The following TRPM1 variants were observed in gnomAD, a reference collection of about 807,000 sequenced individuals.
The protein encoded by TRPM1 is TRPM1-203 APA Isoform, Intron 10.
Under a neutral mutation model 149.4 loss-of-function variants are expected in TRPM1, and 113 were observed. The ratio of observed to expected loss-of-function variants is 0.76; its 90% CI spans 0.65 to 0.88. The LOEUF is 0.88. TRPM1 is among the 40% of genes least tolerant of loss of function. TRPM1 has a pLI of 0.00. For synonymous variants in TRPM1, 741 were observed against 759.5 expected, an observed-to-expected ratio of 0.98 and a Z score of 0.40; for missense variants, 1,976 against 2,038.7, an observed-to-expected ratio of 0.97 and a Z score of 0.59.
intron 1 of TRPM1, among the ~76,000 whole-genome samples, chr15:31,090,688 CCAA>C (rs201272750): frequency 0.01 from 1,594 of 151,946 alleles, 15 homozygotes; most frequent in South Asian, 0.021. Flanking sequence ...AAAAATCTTC[CCAA>C]CAAGTCTGAA....
intron 11 of TRPM1, among the ~76,000 whole-genome samples, chr15:31,056,496 T>C (rs572413981): frequency 1.3e-5 from 2 of 152,298 alleles, no homozygotes; most frequent in East Asian, 3.9e-4. Context: ...ATGAAAATCA[T>C]AGGACAATCT....
intron 1 of TRPM1, among the ~76,000 whole-genome samples, chr15:31,130,563 T>C (rs2036003857): frequency 6.6e-6 from 1 of 152,220 alleles, no homozygotes; most frequent in Non-Finnish European, 1.5e-5. Flanking sequence ...GCTGCAAGAT[T>C]CCAAACCTCC....
At chr15:31,061,415 A>T in intron 10 of TRPM1, 27 bp downstream of exon 10, 2 of 1,609,346 alleles carry the variant, frequency 1.2e-6, no homozygotes, top group Non-Finnish European at 1.7e-6. Context: ...TCAGAGGGAC[A>T]GGAGTCACCA....
rs868099921 is a variant in TRPM1 at position 31,045,845 on chromosome 15, G to A, written c.1794+359C>T. On this transcript the variant is annotated intron_variant, in intron 16 of 27. Transcript: ENST00000256552. ...TAAAGACTAACACTGCATTGTATTTGCATTCTTGGAGGACTCTACTTTGAT... is the reference window on the plus strand; with the variant it reads ...TAAAGACTAACACTGCATTGTATTTACATTCTTGGAGGACTCTACTTTGAT... Among the ~76,000 whole-genome samples, 8 of 152,204 alleles carry A rather than the reference G, an allele frequency of 5.3e-5. No homozygotes were observed. The South Asian group carries it at 6.2e-4, about 12-fold the overall frequency.
intron 1 of TRPM1, among the ~76,000 whole-genome samples, chr15:31,088,809 A>G (rs34633661): frequency 0.58 from 86,469 of 148,370 alleles, 25,497 homozygotes; most frequent in East Asian, 0.83. Flanking sequence ...TGCTGGGGGG[A>G]TGCGTCAGAG....
intron 1 of TRPM1, among the ~76,000 whole-genome samples, chr15:31,111,739 C>T (rs994467927): frequency 6.6e-6 from 1 of 152,196 alleles, no homozygotes; most frequent in African/African-American, 2.4e-5. Flanking sequence ...ATTTCTATCT[C>T]CTGTGTCCTC....
chr15:31,025,561 G>A (rs1164157841), intron 27 of TRPM1, among the ~76,000 whole-genome samples: 2 of 152,316 alleles, frequency 1.3e-5, no homozygotes, highest in South Asian at 4.1e-4. Flanking sequence ...GGGTACTGCG[G>A]ATGTGAAGGT....
In TRPM1 at chr15:31,035,165, G is replaced by A. The variant is rs1015440625; in HGVS notation, c.2700+381C>T. Among the ~76,000 whole-genome samples the A allele has an allele frequency of 5.9e-5, 9 of 152,202 alleles. 1 individual carries two copies. In the South Asian group the frequency reaches 6.2e-4, roughly 11 times the overall value. The stretch of plus-strand genomic sequence containing the variant: ...AATTACAGGCAACTGCCACACGACC[G>A]GCTAATTTTTGTATTTTTAGTTGAG... On this transcript the variant is annotated intron_variant, in intron 21 of 27. Transcript: ENST00000256552.
At chr15:31,061,672 C>T (rs1051636505) in intron 9 of TRPM1, among the ~76,000 whole-genome samples, 158 bp from the exon 10 acceptor site, 3 of 150,814 alleles carry the variant, frequency 2.0e-5, no homozygotes, top group Admixed American at 6.6e-5. Context: ...TTTTTCTTTT[C>T]TTTTTCTTTT....
chr15:31,093,749 G>A lies in TRPM1; in HGVS notation c.-84+7908C>T, dbSNP rs987708946. On this transcript the variant is annotated intron_variant, in intron 1 of 27. Transcript: ENST00000256552. ...CTGGAGTAGCTGGGACTACAGACATGTGCCACTATGCCTGGCTAATTTTTT... is the reference window on the plus strand; with the variant it reads ...CTGGAGTAGCTGGGACTACAGACATATGCCACTATGCCTGGCTAATTTTTT... Among the ~76,000 whole-genome samples the A allele has an allele frequency of 2.4e-4, 37 of 152,152 alleles. 1 individual carries two copies. Among genetic ancestry groups the A allele is most frequent in the Admixed American group, 1.8e-3 (28 of 15,284 alleles).
At chr15:31,008,056 A>T (rs932971141) in intron 27 of TRPM1, among the ~76,000 whole-genome samples, 1 of 152,228 alleles carries the variant, frequency 6.6e-6, no homozygotes, top group African/African-American at 2.4e-5. Context: ...AAATTCACTT[A>T]TTAATTCTAG....
intron 1 of TRPM1, among the ~76,000 whole-genome samples, chr15:31,137,504 A>T (rs888103893): frequency 2.0e-4 from 30 of 152,212 alleles, no homozygotes; most frequent in African/African-American, 7.2e-4. Context: ...TAAGAAGTGC[A>T]CTTGAGTCTC....
rs559105339 is a variant in TRPM1, at chr15:31,083,195, G to T, written c.-83-1757C>A. Among the ~76,000 whole-genome samples, 7 of 152,142 alleles carry T rather than the reference G, an allele frequency of 4.6e-5. No individual in the cohort carries two copies. In the East Asian group the frequency reaches 1.3e-3, roughly 29 times the overall value. On this transcript the variant is annotated intron_variant, in intron 1 of 27. Transcript: ENST00000256552. Reference sequence around the variant, plus strand: ...GGGCCAAAATTAACAAGCAAACCCCGCAATGAAATGAATGATGTGTGGACC... The same window carrying T: ...GGGCCAAAATTAACAAGCAAACCCCTCAATGAAATGAATGATGTGTGGACC...
chr15:31,036,649 G>A (rs190099542), intron 20 of TRPM1, among the ~76,000 whole-genome samples: 8 of 152,354 alleles, frequency 5.3e-5, no homozygotes. Flanking sequence ...ACCCAAGGCT[G>A]AGAGGCCTCG....
At chr15:31,117,728 C>CA (rs1422437084) in intron 1 of TRPM1, among the ~76,000 whole-genome samples, 1 of 149,568 alleles carries the variant, frequency 6.7e-6, no homozygotes, top group Non-Finnish European at 1.5e-5. Context: ...AAGTGGACAG[C>CA]ATGCAAGAGC....
At chr15:31,026,041 G>A (rs1595986590) in intron 27 of TRPM1, 98 bp downstream of exon 27, 8 of 1,521,608 alleles carry the variant, frequency 5.3e-6, no homozygotes, top group Admixed American at 3.3e-5. Flanking sequence ...AGAACTCGGA[G>A]TGCATGTTTA....
chr15:31,037,115 G>A (rs1445749608), intron 20 of TRPM1, among the ~76,000 whole-genome samples: 3 of 152,244 alleles, frequency 2.0e-5, no homozygotes, highest in Admixed American at 6.5e-5. Context: ...CCCCAGAGGC[G>A]CTCTGATCTG....
At chr15:31,031,350 G>C (rs1443057066) in intron 22 of TRPM1, 193 bp from the exon 23 acceptor site, 2 of 634,118 alleles carry the variant, frequency 3.2e-6, no homozygotes, top group Non-Finnish European at 5.6e-6. Context: ...TGCCTAGAAT[G>C]TCTTCTAGAA....
chr15:31,118,808 T>C lies in TRPM1; in HGVS notation c.55-41824A>G, dbSNP rs570529168. Among the ~76,000 whole-genome samples the C allele has an allele frequency of 3.9e-5, 6 of 152,304 alleles. No homozygotes were observed. The East Asian group carries it at 5.8e-4, about 15-fold the overall frequency. Reference sequence around the variant, plus strand: ...CTGATAAGGGCATGAATCCCATTCATGAAGGTTCTGTCTTCATGACCCAAT... The same window carrying C: ...CTGATAAGGGCATGAATCCCATTCACGAAGGTTCTGTCTTCATGACCCAAT... On this transcript the variant is annotated intron_variant, in intron 1 of 26. Transcript: ENST00000542188.
Sources: allele counts gnomAD v4.1 joint callset (sites outside exome capture counted in the v4.1 genomes callset), GRCh38; gene constraint gnomAD v4.1.1; transcripts MANE v1.5; gene names NCBI Gene and HGNC (gene_info 2026-07-23, HGNC 2026-07-21).